NELL1: variants seen among roughly 807,000 people sequenced by gnomAD.
The protein encoded by NELL1 is protein kinase C-binding protein NELL1.
In NELL1, 76 loss-of-function variants were observed where a neutral mutation model predicts 107.4. The ratio of observed to expected loss-of-function variants is 0.71; its 90% confidence interval spans 0.59 to 0.86. The LOEUF (loss-of-function observed/expected upper bound fraction) is 0.86, where lower values mean the gene tolerates loss of function less well. NELL1 is among the 40% of genes least tolerant of loss of function. NELL1 has a pLI of 0.00. For synonymous variants in NELL1, 353 were observed against 341.2 expected (o/e 1.03, Z -0.38); for missense variants, 1,024 against 1,005.5 (o/e 1.02, Z -0.25).
chr11:20,713,953 G>C (rs1307654842), intron 2 of NELL1, among the ~76,000 whole-genome samples: 2 of 152,082 alleles, frequency 1.3e-5, no homozygotes, highest in African/African-American at 4.8e-5. Context: ...TCCTCAGTTT[G>C]CATGTATGTT....
chr11:20,887,453 A>G (rs1447142794), intron 5 of NELL1, among the ~76,000 whole-genome samples: 2 of 152,220 alleles, frequency 1.3e-5, no homozygotes, highest in East Asian at 3.9e-4. Context: ...CAGTTTTTGC[A>G]TTCCCACCAG....
chr11:21,426,110 T>C (rs1377486962), intron 15 of NELL1, among the ~76,000 whole-genome samples: 2 of 152,172 alleles, frequency 1.3e-5, no homozygotes, highest in Admixed American at 6.5e-5. Context: ...GAAAACCCTT[T>C]TGTTTACTGG....
intron 14 of NELL1, among the ~76,000 whole-genome samples, chr11:21,297,514 G>C (rs983569338): frequency 8.5e-5 from 13 of 152,132 alleles, no homozygotes; most frequent in African/African-American, 2.9e-4. Flanking sequence ...GGTTGTGATA[G>C]AATTAAGTTA....
intron 15 of NELL1, among the ~76,000 whole-genome samples, chr11:21,496,941 A>G (rs1046750457): frequency 2.6e-5 from 4 of 151,862 alleles, no homozygotes; most frequent in Admixed American, 6.6e-5. Context: ...CTATGTCCCT[A>G]CAAAGGACAT....
At chr11:21,454,195 T>TG (rs1203876187) in intron 15 of NELL1, among the ~76,000 whole-genome samples, 1 of 148,118 alleles carries the variant, frequency 6.8e-6, no homozygotes, top group African/African-American at 2.5e-5. Context: ...TTTTTGTTCT[T>TG]GCGATAGTTT....
chr11:20,923,628 C>A (rs763574158), intron 7 of NELL1, among the ~76,000 whole-genome samples: 5 of 152,158 alleles, frequency 3.3e-5, no homozygotes, highest in Non-Finnish European at 7.3e-5. Flanking sequence ...ATCCCAACTG[C>A]ACTGTAATCC....
rs1205702527 is a variant in NELL1 at position 20,764,653 on chromosome 11, T to C, written c.185-19027T>C. ...AGTCTCTCAGGGTGCAGACTGAAAA[T>C]CACATTTAAAAAATGTTACCCAGGT... On this transcript the variant is annotated intron_variant, in intron 2 of 19. Transcript: ENST00000357134. Among the ~76,000 whole-genome samples, 8 of 144,702 alleles carry C rather than the reference T, an allele frequency of 5.5e-5. No individual in the cohort carries two copies. In the East Asian group the frequency reaches 1.6e-3, roughly 30 times the overall value. 94.9% of individuals were successfully genotyped at this position (144,702 alleles called of 152,430 possible). A position where few individuals can be genotyped will look rare whatever the true frequency, so the allele number is the denominator to read the frequency against.
intron 15 of NELL1, among the ~76,000 whole-genome samples, chr11:21,379,681 A>G (rs894523743): frequency 6.6e-6 from 1 of 152,094 alleles, no homozygotes; most frequent in Non-Finnish European, 1.5e-5. Flanking sequence ...GATTTTTTGA[A>G]CCTTTTCTAA....
intron 14 of NELL1, among the ~76,000 whole-genome samples, chr11:21,299,824 T>C (rs1165459307): frequency 6.6e-6 from 1 of 152,024 alleles, no homozygotes; most frequent in African/African-American, 2.4e-5. Flanking sequence ...ATATTTTGAA[T>C]ACTTTTATAT....
At chr11:20,896,650 T>C (rs1590391820) in intron 5 of NELL1, among the ~76,000 whole-genome samples, 1 of 152,172 alleles carries the variant, frequency 6.6e-6, no homozygotes, top group Non-Finnish European at 1.5e-5. Context: ...CATGATTGTA[T>C]ATCTAGAAAA....
chr11:21,451,341 T>C (rs1464056927), intron 15 of NELL1, among the ~76,000 whole-genome samples: 1 of 152,098 alleles, frequency 6.6e-6, no homozygotes, highest in Non-Finnish European at 1.5e-5. Context: ...AGGGCTGATG[T>C]GTTGTTTGCA....
chr11:21,339,642 G>A (rs901611588), intron 14 of NELL1, among the ~76,000 whole-genome samples: 2 of 152,110 alleles, frequency 1.3e-5, no homozygotes, highest in Admixed American at 6.5e-5. Flanking sequence ...ATCAGGGTCC[G>A]CTGGTCCTTG....
At chr11:20,937,498 A>G (rs1850751694) in intron 9 of NELL1, among the ~76,000 whole-genome samples, 1 of 152,212 alleles carries the variant, frequency 6.6e-6, no homozygotes, top group Admixed American at 6.5e-5. Context: ...TTCTTGTTTT[A>G]GCTTCTTACT....
chr11:21,357,564 C>T (rs1241624622), intron 14 of NELL1, among the ~76,000 whole-genome samples: 1 of 152,032 alleles, frequency 6.6e-6, no homozygotes, highest in Non-Finnish European at 1.5e-5. Flanking sequence ...CCTTTGTTGT[C>T]CATAGTTAGT....
At chr11:21,038,049 T>C (rs1324801761) in intron 12 of NELL1, among the ~76,000 whole-genome samples, 1 of 152,144 alleles carries the variant, frequency 6.6e-6, no homozygotes, top group Non-Finnish European at 1.5e-5. Context: ...AAAAAATAGA[T>C]GAAACATGAT....
intron 12 of NELL1, among the ~76,000 whole-genome samples, chr11:20,986,275 C>T (rs1360819897): frequency 6.6e-6 from 1 of 152,186 alleles, no homozygotes; most frequent in Non-Finnish European, 1.5e-5. Context: ...CCTCAGGACC[C>T]TCCTTTCACA....
At chr11:21,135,054 A>G (rs1178056791) in intron 13 of NELL1, among the ~76,000 whole-genome samples, 1 of 152,088 alleles carries the variant, frequency 6.6e-6, no homozygotes, top group Non-Finnish European at 1.5e-5. Context: ...AATTTCTGTT[A>G]TTTTTGTTTT....
chr11:20,942,230 T>G (rs1850870205), intron 10 of NELL1, among the ~76,000 whole-genome samples: 1 of 152,210 alleles, frequency 6.6e-6, no homozygotes. Flanking sequence ...GACTGTACCC[T>G]AAAGGTTAGC....
intron 13 of NELL1, among the ~76,000 whole-genome samples, chr11:21,158,399 G>A (rs912183102): frequency 7.2e-5 from 11 of 152,264 alleles, no homozygotes; most frequent in African/African-American, 4.8e-5. Context: ...CTAGAGAACC[G>A]TAATACAAGT....
Sources: allele counts gnomAD v4.1 joint callset (sites outside exome capture counted in the v4.1 genomes callset), GRCh38; gene constraint gnomAD v4.1.1; transcripts MANE v1.5; gene names NCBI Gene and HGNC (gene_info 2026-07-23, HGNC 2026-07-21).